The following DNAH7 variants were observed in gnomAD, a reference collection of about 807,000 sequenced individuals.
The protein encoded by DNAH7 is axonemal beta dynein heavy chain 7.
Under a neutral mutation model 444.6 loss-of-function variants are expected in DNAH7, and 397 were observed. The ratio of observed to expected loss-of-function variants is 0.89; its 90% CI spans 0.82 to 0.97. DNAH7 has a LOEUF of 0.97. Among genes scored for constraint, DNAH7 ranks in the 50% least tolerant of loss-of-function variants. The pLI, the probability that DNAH7 is intolerant of heterozygous loss-of-function variation, is 0.00. For synonymous variants in DNAH7, 1,636 were observed against 1,624.4 expected (o/e 1.01, Z -0.17); for missense variants, 4,902 against 4,800.8 (o/e 1.02, Z -0.62).
intron 5 of DNAH7, among the ~76,000 whole-genome samples, chr2:196,029,923 C>T (rs969094493): frequency 1.3e-5 from 2 of 151,800 alleles, no homozygotes; most frequent in African/African-American, 4.8e-5. Flanking sequence ...CATGAGCATC[C>T]CTTTTTTAAA....
rs2125263552 is a variant in DNAH7 at position 195,900,511 on chromosome 2, A to C, written c.4336-17T>G. ...AAAGAGAGCCTATGGGTAGGTAGAA[A>C]GTTACTTTTAAAAGGATCATCATAA... On this transcript the variant is annotated splice_polypyrimidine_tract_variant and intron_variant, in intron 27 of 64. Transcript: ENST00000312428. 2 of 1,608,584 alleles carry C rather than the reference A, an allele frequency of 1.2e-6. No homozygotes were observed. Among genetic ancestry groups the C allele is most frequent in the East Asian group, 4.5e-5 (2 of 44,836 alleles).
intron 24 of DNAH7, among the ~76,000 whole-genome samples, chr2:195,913,650 C>T (rs1687491805): frequency 6.6e-6 from 1 of 152,206 alleles, no homozygotes; most frequent in Admixed American, 6.5e-5. Context: ...GGCTAAATCT[C>T]CTTATCCTTC....
intron 51 of DNAH7, among the ~76,000 whole-genome samples, chr2:195,810,903 G>A (rs1410788072): frequency 6.6e-6 from 1 of 152,126 alleles, no homozygotes; most frequent in Non-Finnish European, 1.5e-5. Flanking sequence ...ACTTGTAGCA[G>A]TACCATACAA....
intron 48 of DNAH7, among the ~76,000 whole-genome samples, chr2:195,826,533 A>G (rs1697762244): frequency 6.6e-6 from 1 of 152,232 alleles, no homozygotes; most frequent in African/African-American, 2.4e-5. Flanking sequence ...CCATACTGTC[A>G]GCATTCAATA....
intron 5 of DNAH7, among the ~76,000 whole-genome samples, chr2:196,046,873 A>C (rs536332624): frequency 6.6e-6 from 1 of 152,212 alleles, no homozygotes; most frequent in Admixed American, 6.5e-5. Flanking sequence ...TGTGGAAACA[A>C]GGCAAAGAAG....
intron 19 of DNAH7, among the ~76,000 whole-genome samples, chr2:195,940,914 A>C (rs953341996): frequency 6.6e-6 from 1 of 152,180 alleles, no homozygotes; most frequent in Non-Finnish European, 1.5e-5. Context: ...ACGCTTTTAC[A>C]CTGTTGGTGG....
At chr2:195,827,761 G>A (rs1697845902) in intron 48 of DNAH7, among the ~76,000 whole-genome samples, 1 of 150,346 alleles carries the variant, frequency 6.7e-6, no homozygotes, top group Non-Finnish European at 1.5e-5. Flanking sequence ...TTTTTTTTCA[G>A]AGATGGGGTC....
At chr2:195,887,993 T>C (rs563725227) in intron 33 of DNAH7, among the ~76,000 whole-genome samples, 48 of 152,154 alleles carry the variant, frequency 3.2e-4, no homozygotes, top group Non-Finnish European at 6.3e-4. Flanking sequence ...CAATAGCCCA[T>C]CAGAAGAAAG....
intron 44 of DNAH7, among the ~76,000 whole-genome samples, chr2:195,856,265 G>C (rs1453728235): frequency 2.0e-5 from 3 of 152,176 alleles, no homozygotes; most frequent in Non-Finnish European, 4.4e-5. Context: ...GAGTAGGATA[G>C]TCATGTAGAA....
intron 1 of DNAH7, chr2:196,063,365 C>T (rs898733917): frequency 2.0e-5 from 3 of 152,198 alleles, no homozygotes; most frequent in Non-Finnish European, 4.4e-5. Flanking sequence ...GAGTGGCTTC[C>T]TCTGATTCCC....
intron 21 of DNAH7, among the ~76,000 whole-genome samples, chr2:195,932,370 A>G (rs1158773332): frequency 6.6e-6 from 1 of 152,168 alleles, no homozygotes; most frequent in Non-Finnish European, 1.5e-5. Context: ...TGCAGCAGAG[A>G]CAGTTTGACT....
At chr2:195,973,363 G>T (rs182671626) in intron 15 of DNAH7, among the ~76,000 whole-genome samples, 1 of 152,160 alleles carries the variant, frequency 6.6e-6, no homozygotes, top group East Asian at 1.9e-4. Flanking sequence ...TATTGGGCGC[G>T]TGGGAATGTG....
rs978794408 is a variant in DNAH7, at chr2:195,858,332, C to A, written c.8067+142G>T. ...TCTTTTTCAAGTCAATTAGGGAATTCTTTTGCCAATTTCAAAATGATTTCA... is the reference window on the plus strand; with the variant it reads ...TCTTTTTCAAGTCAATTAGGGAATTATTTTGCCAATTTCAAAATGATTTCA... On this transcript the variant is annotated intron_variant, in intron 43 of 64. Transcript: ENST00000312428. 30 of 739,788 alleles carry A rather than the reference C, an allele frequency of 4.1e-5. No homozygotes were observed. The East Asian group carries it at 7.5e-4, about 18-fold the overall frequency. The allele number at this position is 739,788 out of a possible 1,614,324, so 45.8% of individuals were successfully genotyped here. A position where few individuals can be genotyped will look rare whatever the true frequency, so the allele number is the denominator to read the frequency against.
intron 10 of DNAH7, among the ~76,000 whole-genome samples, chr2:196,011,239 G>A (rs542479682): frequency 6.6e-6 from 1 of 152,186 alleles, no homozygotes; most frequent in East Asian, 1.9e-4. Flanking sequence ...ATTATGCATT[G>A]TATGAATGCA....
rs1230175506 is a variant in DNAH7, at chr2:195,934,705, G to T, written c.3357C>A (p.Ser1119Arg). Reference protein sequence around the residue: ...TETLDITHMKSSEGEVVELIE... With the variant: ...TETLDITHMKRSEGEVVELIE... ...TGAGTTCTACAACCTCTCCTTCGCT[G>T]CTCTTCATGTGAGTAATGTCTAAAG... The change falls in exon 21 of 65, where the codon AGC (serine) becomes AGA (arginine). Residue 1119 changes from serine (S) to arginine (R), a missense_variant. By Grantham distance (110) the Ser-to-Arg change is moderately radical (BLOSUM62 -1). Transcript: ENST00000312428. 6.2e-7 allele frequency: 1 copy of T among 1,613,930 alleles called. No homozygotes were observed. Among genetic ancestry groups the T allele is most frequent in the Non-Finnish European group, 8.5e-7 (1 of 1,179,994 alleles).
At chr2:195,754,663 A>G (rs769851262) in intron 62 of DNAH7, 149 bp from the exon 63 acceptor site, 16 of 710,880 alleles carry the variant, frequency 2.3e-5, no homozygotes, top group Non-Finnish European at 3.6e-5. Context: ...GGCACATACC[A>G]CCATGCCTGG....
At chr2:195,860,487 C>G (rs1224299668) in intron 42 of DNAH7, among the ~76,000 whole-genome samples, 1 of 151,934 alleles carries the variant, frequency 6.6e-6, no homozygotes, top group Non-Finnish European at 1.5e-5. Context: ...GCCGATTTCA[C>G]TAGGTAGTTG....
intron 4 of DNAH7, 108 bp from the exon 5 acceptor site, chr2:196,047,607 A>T: frequency 2.1e-6 from 2 of 966,254 alleles, no homozygotes; most frequent in Non-Finnish European, 2.8e-6. Context: ...AAAAAATTAC[A>T]TTATCAAGTA....
At chr2:195,740,310 C>G (rs765219513) in intron 64 of DNAH7, among the ~76,000 whole-genome samples, 2 of 152,090 alleles carry the variant, frequency 1.3e-5, no homozygotes, top group African/African-American at 2.4e-5. Flanking sequence ...AAGGCTGATG[C>G]GCCTCATAGA....
Sources: allele counts gnomAD v4.1 joint callset (sites outside exome capture counted in the v4.1 genomes callset), GRCh38; gene constraint gnomAD v4.1.1; transcripts MANE v1.5; gene names NCBI Gene and HGNC (gene_info 2026-07-23, HGNC 2026-07-21).